The following SAXO1 variants were observed in gnomAD, a reference collection of about 807,000 sequenced individuals.
The protein encoded by SAXO1 is 4930500O09Rik.
SAXO1 carries 21 observed loss-of-function variants against 17.5 expected under a neutral mutation model. The observed-to-expected ratio is 1.20, with a 90% CI of 0.85 to 1.72. The LOEUF (loss-of-function observed/expected upper bound fraction) is 1.72. Among genes scored for constraint, SAXO1 ranks in the 40% most tolerant of loss-of-function variants. The probability of loss-of-function intolerance (pLI) is 0.00; values close to 1 mark genes in which losing one functional copy is unlikely to be tolerated. For synonymous variants in SAXO1, 274 were observed against 216.5 expected (o/e 1.27, Z -2.33); for missense variants, 843 against 596.0 (o/e 1.41, Z -4.32).
intron 1 of SAXO1, among the ~76,000 whole-genome samples, chr9:18,955,888 T>TC (rs1832237310): frequency 6.6e-6 from 1 of 151,666 alleles, no homozygotes; most frequent in Admixed American, 6.6e-5. Flanking sequence ...TGAGATTATG[T>TC]CCCCACCTCT....
chr9:18,945,275 C>A (rs1588420692), intron 2 of SAXO1, among the ~76,000 whole-genome samples: 1 of 152,152 alleles, frequency 6.6e-6, no homozygotes, highest in Non-Finnish European at 1.5e-5. Context: ...TTTCCAGACC[C>A]AACCGCTGCT....
chr9:19,032,277 T>C (rs574467270), intron 1 of SAXO1, among the ~76,000 whole-genome samples: 1 of 152,320 alleles, frequency 6.6e-6, no homozygotes, highest in Non-Finnish European at 1.5e-5. Flanking sequence ...GGACTCTGAC[T>C]AAAGTCCATG....
chr9:19,036,932 C>T (rs543442274), upstream of SAXO1, among the ~76,000 whole-genome samples: 11 of 152,276 alleles, frequency 7.2e-5, no homozygotes, highest in East Asian at 7.7e-4. Flanking sequence ...AGAAGGGAGG[C>T]GGTACCCTGG....
At chr9:19,002,127 AATAAACT>A (rs1245309908) in intron 1 of SAXO1, among the ~76,000 whole-genome samples, 4 of 152,256 alleles carry the variant, frequency 2.6e-5, no homozygotes, top group East Asian at 1.9e-4. Context: ...CCTCTAAACA[AATAAACT>A]ATAAAGTCTG....
At chr9:18,995,520 C>A (rs1833965347) in intron 1 of SAXO1, among the ~76,000 whole-genome samples, 1 of 152,160 alleles carries the variant, frequency 6.6e-6, no homozygotes, top group Non-Finnish European at 1.5e-5. Flanking sequence ...TCCTAGCTTG[C>A]AAGAAAGAAC....
chr9:18,976,170 C>CA (rs1305950247), intron 1 of SAXO1, among the ~76,000 whole-genome samples: 1 of 152,116 alleles, frequency 6.6e-6, no homozygotes, highest in Non-Finnish European at 1.5e-5. Flanking sequence ...AGGATATGGG[C>CA]AAAAAATTAT....
intron 1 of SAXO1, among the ~76,000 whole-genome samples, chr9:19,042,677 A>G (rs1377703775): frequency 1.3e-5 from 2 of 152,154 alleles, no homozygotes; most frequent in Non-Finnish European, 2.9e-5. Context: ...AGCCCGACCA[A>G]CATGGAGAAA....
At chr9:18,950,661 T>C in intron 2 of SAXO1, 97 bp downstream of exon 2, 1 of 1,052,678 alleles carries the variant, frequency 9.5e-7, no homozygotes, top group Non-Finnish European at 1.4e-6. Flanking sequence ...CATTAATGCA[T>C]TAGCACTGCA....
At chr9:19,039,231 C>A (rs976024081) in intron 1 of SAXO1, among the ~76,000 whole-genome samples, 1 of 151,928 alleles carries the variant, frequency 6.6e-6, no homozygotes, top group South Asian at 2.1e-4. Flanking sequence ...CCCAAGAATA[C>A]AAGGTGGTTT....
intron 1 of SAXO1, among the ~76,000 whole-genome samples, chr9:18,974,795 T>A (rs537041792): frequency 3.5e-4 from 54 of 152,280 alleles, no homozygotes; most frequent in Non-Finnish European, 6.0e-4. Flanking sequence ...AAATAAGCCA[T>A]CACCATTTGG....
upstream of SAXO1, among the ~76,000 whole-genome samples, chr9:19,033,801 A>T (rs550188408): frequency 3.5e-4 from 53 of 151,880 alleles, no homozygotes; most frequent in Middle Eastern, 0.027. Flanking sequence ...GCCAGACCCC[A>T]CCCCCAGTTT....
At chr9:18,992,510 A>G (rs1382820555) in intron 1 of SAXO1, among the ~76,000 whole-genome samples, 2 of 152,190 alleles carry the variant, frequency 1.3e-5, no homozygotes, top group Admixed American at 1.3e-4. Context: ...AAATAAGATC[A>G]TATTTGGAGG....
chr9:18,945,748 T>C (rs1244113901), intron 2 of SAXO1, among the ~76,000 whole-genome samples: 1 of 152,174 alleles, frequency 6.6e-6, no homozygotes, highest in East Asian at 1.9e-4. Flanking sequence ...CTGTCACCAC[T>C]TCATATAAAC....
intron 1 of SAXO1, among the ~76,000 whole-genome samples, chr9:19,030,866 G>A (rs1349599882): frequency 1.3e-5 from 2 of 152,172 alleles, no homozygotes; most frequent in Admixed American, 1.3e-4. Context: ...TGAGATTAAT[G>A]AGACAGATGG....
chr9:19,010,092 G>A (rs1834661735), intron 1 of SAXO1, among the ~76,000 whole-genome samples: 1 of 151,954 alleles, frequency 6.6e-6, no homozygotes. Flanking sequence ...GCCTCCCAAA[G>A]TGCTGGGATT....
chr9:18,944,312 G>C (rs1642962596), intron 2 of SAXO1, among the ~76,000 whole-genome samples: 2 of 152,168 alleles, frequency 1.3e-5, no homozygotes, highest in Admixed American at 1.3e-4. Context: ...AATTTAATCA[G>C]AATTTATGTG....
chr9:19,025,616 T>G (rs1232910372), intron 1 of SAXO1, among the ~76,000 whole-genome samples: 3 of 152,200 alleles, frequency 2.0e-5, no homozygotes, highest in Non-Finnish European at 4.4e-5. Context: ...ACTACCTTTT[T>G]TATGAAATGC....
At chr9:18,955,571 A>G (rs1242208585) in intron 1 of SAXO1, among the ~76,000 whole-genome samples, 2 of 152,236 alleles carry the variant, frequency 1.3e-5, no homozygotes, top group African/African-American at 2.4e-5. Flanking sequence ...GTTGATTAAT[A>G]CAATATCCGT....
chr9:19,009,765 T>G (rs1023983924), intron 1 of SAXO1, among the ~76,000 whole-genome samples: 7 of 152,098 alleles, frequency 4.6e-5, no homozygotes, highest in Non-Finnish European at 8.8e-5. Context: ...CTCATGCAAT[T>G]TCCATCACCT....
Sources: allele counts gnomAD v4.1 joint callset (sites outside exome capture counted in the v4.1 genomes callset), GRCh38; gene constraint gnomAD v4.1.1; transcripts MANE v1.5; gene names NCBI Gene and HGNC (gene_info 2026-07-23, HGNC 2026-07-21).